Variants in TAFA2 observed in about 807,000 individuals in gnomAD.
TAFA2 encodes TAFA chemokine like family member 2.
In TAFA2, 7 loss-of-function variants were observed where a neutral mutation model predicts 18.8. The observed-to-expected ratio is 0.37, with a 90% CI of 0.21 to 0.70. The LOEUF is 0.70. Among genes scored for constraint, TAFA2 ranks in the 30% least tolerant of loss-of-function variants. The pLI is 0.53. For missense variants in TAFA2, 122 were observed against 158.1 expected (o/e 0.77, Z 1.23); for synonymous variants, 60 against 54.2 (o/e 1.11, Z -0.47).
chr12:62,088,614 T>TA (rs139428735), intron 1 of TAFA2, among the ~76,000 whole-genome samples: 13,029 of 104,326 alleles, frequency 0.12, 942 homozygotes, highest in African/African-American at 0.21. Flanking sequence ...TGGACCACAT[T>TA]AAAAAAAAAA....
rs77743710 is a variant in TAFA2 at position 61,743,526 on chromosome 12, C to T, written c.384+10096G>A. ...TTTACATTTGCCTCTTTTCTTCTAC[C>T]CCATTAAAAGTTGGTATCCAGGACT... On this transcript the variant is annotated intron_variant, in intron 4 of 4. Coordinates refer to ENST00000416284, the MANE Select transcript of TAFA2 (RefSeq NM_178539.5). Among the ~76,000 whole-genome samples, 775 of 152,112 alleles carry T rather than the reference C, an allele frequency of 5.1e-3. 9 individuals carry two copies. Among genetic ancestry groups the T allele is most frequent in the African/African-American group, 0.018 (739 of 41,526 alleles).
intron 1 of TAFA2, among the ~76,000 whole-genome samples, chr12:62,086,780 C>G (rs1277188838): frequency 6.6e-6 from 1 of 152,086 alleles, no homozygotes; most frequent in East Asian, 1.9e-4. Context: ...AATTTCACAT[C>G]TGGTTATATA....
chr12:62,104,691 A>T (rs887277502), intron 1 of TAFA2: 11 of 455,708 alleles, frequency 2.4e-5, no homozygotes, highest in Non-Finnish European at 4.4e-5. Context: ...CTAGTCCTCA[A>T]CTAAGAGGAC....
chr12:61,710,413 G>A lies in TAFA2; in HGVS notation c.389C>T (p.Thr130Ile). ...CACTTGATTTCTCCTGGGTTAATGG[G>A]TTACCTACAAAGGAAGGAGAAAATA... Reference protein sequence around the residue: ...SGNKVKTTRVTH With the variant: ...SGNKVKTTRVIH Residue 130 changes from threonine (T) to isoleucine (I), a missense_variant, in exon 5 of 5, where the codon ACC becomes ATC. This residue lies in a region of TAFA2 where 60 missense variants were observed against 102.7 expected (regional missense o/e 0.58). Coordinates refer to ENST00000416284, the MANE Select transcript of TAFA2 (RefSeq NM_178539.5). The A allele has an allele frequency of 1.9e-6, 3 of 1,607,426 alleles. No individual in the cohort carries two copies. The highest frequency in any genetic ancestry group is 3.3e-4 in the Middle Eastern group (2 of 6,042).
intron 1 of TAFA2, among the ~76,000 whole-genome samples, chr12:62,215,927 A>G (rs2136975758): frequency 6.6e-6 from 1 of 152,228 alleles, no homozygotes; most frequent in African/African-American, 2.4e-5. Flanking sequence ...TGTAAAGACC[A>G]GTGGGTTTTG....
intron 1 of TAFA2, among the ~76,000 whole-genome samples, chr12:62,051,151 G>A (rs951304436): frequency 9.2e-5 from 14 of 152,170 alleles, no homozygotes; most frequent in African/African-American, 3.4e-4. Context: ...TAATATTTTA[G>A]CTCTGTGCTT....
chr12:61,956,831 G>C (rs73131681), intron 1 of TAFA2, among the ~76,000 whole-genome samples: 1 of 151,914 alleles, frequency 6.6e-6, no homozygotes, highest in East Asian at 1.9e-4. Flanking sequence ...GTGTGTCAAC[G>C]TCTGATGAAC....
chr12:62,041,158 C>T (rs966131770), intron 1 of TAFA2, among the ~76,000 whole-genome samples: 2 of 152,060 alleles, frequency 1.3e-5, no homozygotes, highest in Admixed American at 1.3e-4. Flanking sequence ...AGCCTGCAGG[C>T]ATTATGTTAT....
At chr12:61,868,763 AG>A (rs1289215531) in intron 1 of TAFA2, among the ~76,000 whole-genome samples, 2 of 152,174 alleles carry the variant, frequency 1.3e-5, no homozygotes, top group Non-Finnish European at 2.9e-5. Flanking sequence ...AGGAGGTTAT[AG>A]GGATTACTTC....
chr12:61,842,853 G>T (rs1873243345), intron 2 of TAFA2, among the ~76,000 whole-genome samples: 1 of 151,932 alleles, frequency 6.6e-6, no homozygotes, highest in African/African-American at 2.4e-5. Context: ...CATTTAGTAG[G>T]GCAATCAAAT....
At chr12:61,925,152 C>A (rs1157021800) in intron 1 of TAFA2, among the ~76,000 whole-genome samples, 1 of 152,100 alleles carries the variant, frequency 6.6e-6, no homozygotes, top group Non-Finnish European at 1.5e-5. Flanking sequence ...CATTAACACC[C>A]CACTGTCAAT....
At chr12:62,121,407 C>T (rs913790903) in intron 1 of TAFA2, among the ~76,000 whole-genome samples, 1 of 152,066 alleles carries the variant, frequency 6.6e-6, no homozygotes, top group African/African-American at 2.4e-5. Context: ...TAACATTGAG[C>T]CAGTGATTCA....
At chr12:62,142,103 G>A (rs1166332216) in intron 1 of TAFA2, among the ~76,000 whole-genome samples, 5 of 152,124 alleles carry the variant, frequency 3.3e-5, no homozygotes, top group Non-Finnish European at 1.5e-5. Flanking sequence ...TCTTATAAAT[G>A]AAGAAACTGG....
intron 1 of TAFA2, among the ~76,000 whole-genome samples, chr12:62,082,284 A>G (rs944644746): frequency 6.6e-6 from 1 of 152,170 alleles, no homozygotes; most frequent in East Asian, 1.9e-4. Flanking sequence ...TAATAGAACA[A>G]ATTATATTCC....
chr12:61,832,942 T>C (rs1872772969), intron 2 of TAFA2, among the ~76,000 whole-genome samples: 1 of 150,964 alleles, frequency 6.6e-6, no homozygotes, highest in Non-Finnish European at 1.5e-5. Flanking sequence ...GTCAATTCAC[T>C]CAATACATCT....
intron 1 of TAFA2, among the ~76,000 whole-genome samples, chr12:62,172,181 A>G (rs1389485068): frequency 6.6e-6 from 1 of 152,166 alleles, no homozygotes; most frequent in African/African-American, 2.4e-5. Flanking sequence ...TCTTTGACAA[A>G]ATTATAGGTT....
intron 1 of TAFA2, among the ~76,000 whole-genome samples, chr12:62,232,410 A>G (rs1170255817): frequency 6.6e-6 from 1 of 152,192 alleles, no homozygotes; most frequent in Non-Finnish European, 1.5e-5. Context: ...CTATCTCACC[A>G]TCCCCTTTAC....
intron 2 of TAFA2, among the ~76,000 whole-genome samples, chr12:61,792,816 A>C (rs1393531728): frequency 2.0e-5 from 3 of 151,622 alleles, no homozygotes; most frequent in Admixed American, 1.3e-4. Flanking sequence ...AATCACTATT[A>C]TATTCAGAGA....
At chr12:61,721,691 C>T (rs1252398462) in intron 4 of TAFA2, among the ~76,000 whole-genome samples, 1 of 152,218 alleles carries the variant, frequency 6.6e-6, no homozygotes, top group Non-Finnish European at 1.5e-5. Flanking sequence ...TGCAGTGGCT[C>T]ATGCCTGTTA....
Sources: allele counts gnomAD v4.1 joint callset (sites outside exome capture counted in the v4.1 genomes callset), GRCh38; gene constraint gnomAD v4.1.1; regional missense constraint gnomAD v4.1.1; transcripts MANE v1.5; gene names NCBI Gene and HGNC (gene_info 2026-07-23, HGNC 2026-07-21).